ZDHHC17: variants seen among roughly 807,000 people sequenced by gnomAD.
The protein encoded by ZDHHC17 is zDHHC palmitoyltransferase 17, also known as palmitoyltransferase ZDHHC17.
In ZDHHC17, 40 loss-of-function variants were observed where a neutral mutation model predicts 90.3. That is an observed-to-expected ratio of 0.44 (90% CI 0.34 to 0.58). ZDHHC17 has a LOEUF of 0.58. Ranked by LOEUF, ZDHHC17 falls within the 20% of genes least tolerant of loss-of-function variation. ZDHHC17 has a pLI of 0.01. For synonymous variants in ZDHHC17, 235 were observed against 252.4 expected (o/e 0.93, Z 0.65); for missense variants, 614 against 780.8 (o/e 0.79, Z 2.55).
chr12:76,814,306 G>C (rs531785408), intron 5 of ZDHHC17, among the ~76,000 whole-genome samples: 21 of 151,974 alleles, frequency 1.4e-4, no homozygotes, highest in African/African-American at 4.8e-4. Flanking sequence ...GCCAGGGAAA[G>C]CAAAAAATTG....
At chr12:76,793,855 G>A (rs1952788860) in intron 1 of ZDHHC17, among the ~76,000 whole-genome samples, 1 of 152,052 alleles carries the variant, frequency 6.6e-6, no homozygotes, top group African/African-American at 2.4e-5. Flanking sequence ...TTGCTTCTTG[G>A]TTTCCATTAA....
At chr12:76,815,446 T>C (rs1204755361) in intron 6 of ZDHHC17, among the ~76,000 whole-genome samples, 3 of 151,860 alleles carry the variant, frequency 2.0e-5, no homozygotes, top group Non-Finnish European at 2.9e-5. Context: ...AAAGAAGTTA[T>C]CTTTTTTTAA....
chr12:76,765,294 G>A (rs1385274876), intron 1 of ZDHHC17, among the ~76,000 whole-genome samples: 1 of 152,164 alleles, frequency 6.6e-6, no homozygotes, highest in Non-Finnish European at 1.5e-5. Flanking sequence ...TTCTGGATTT[G>A]GGTTTGTACC....
intron 6 of ZDHHC17, 34 bp downstream of exon 6, chr12:76,815,244 A>G: frequency 3.5e-6 from 5 of 1,413,708 alleles, no homozygotes; most frequent in Non-Finnish European, 4.8e-6. Flanking sequence ...TATTTAGGCC[A>G]TTTCAGCATA....
intron 1 of ZDHHC17, among the ~76,000 whole-genome samples, chr12:76,783,851 T>A (rs1037646934): frequency 6.6e-6 from 1 of 152,206 alleles, no homozygotes; most frequent in African/African-American, 2.4e-5. Context: ...TTTGAACATA[T>A]ACACAGAGGA....
Position 76,850,830 on chromosome 12 carries a change from T to G in ZDHHC17, c.1761-17T>G. The G allele has an allele frequency of 1.9e-6, 3 of 1,610,128 alleles. No individual in the cohort carries two copies. The highest frequency in any genetic ancestry group is 2.5e-6 in the Non-Finnish European group (3 of 1,178,550). On this transcript the variant is annotated splice_polypyrimidine_tract_variant and intron_variant, in intron 16 of 16. Transcript: ENST00000426126. ...TGTACTGACTGACGTGTTTTCTTTT[T>G]GGGGTGCTGTTTTTAGCCATGGATG...
rs1010300288 is a variant in ZDHHC17, at chr12:76,852,122, T to A, written c.*1137T>A. Reference sequence around the variant, plus strand: ...AACAGTTTTAGAAAAAATTTTCTTTTTGTTAAATGTGATGCACTGATCAAT... The same window carrying A: ...AACAGTTTTAGAAAAAATTTTCTTTATGTTAAATGTGATGCACTGATCAAT... On this transcript the variant is annotated 3_prime_UTR_variant, in exon 17 of 17. Transcript: ENST00000426126. 6.5e-6 allele frequency: 1 copy of A among 152,672 alleles called. No homozygotes were observed. Among genetic ancestry groups the A allele is most frequent in the Non-Finnish European group, 1.5e-5 (1 of 68,032 alleles). The allele number at this position is 152,672 out of a possible 1,614,324, so 9.5% of individuals were successfully genotyped here. A position where few individuals can be genotyped will look rare whatever the true frequency, so the allele number is the denominator to read the frequency against.
intron 10 of ZDHHC17, among the ~76,000 whole-genome samples, chr12:76,833,428 C>G (rs1463708781): frequency 6.6e-6 from 1 of 152,124 alleles, no homozygotes; most frequent in Non-Finnish European, 1.5e-5. Context: ...ATATTATACT[C>G]TGAATATAAT....
intron 10 of ZDHHC17, among the ~76,000 whole-genome samples, chr12:76,837,099 T>G (rs535787585): frequency 3.3e-5 from 5 of 152,302 alleles, no homozygotes; most frequent in African/African-American, 1.2e-4. Context: ...CATGGGGTTT[T>G]CTTACTAACA....
chr12:76,782,334 A>G (rs1952636395), intron 1 of ZDHHC17, among the ~76,000 whole-genome samples: 1 of 152,218 alleles, frequency 6.6e-6, no homozygotes, highest in African/African-American at 2.4e-5. Flanking sequence ...ATTCTTGGGA[A>G]AAGTATGATT....
At chr12:76,824,094 TC>T (rs1248316833) in intron 8 of ZDHHC17, among the ~76,000 whole-genome samples, 2 of 151,142 alleles carry the variant, frequency 1.3e-5, no homozygotes, top group African/African-American at 2.4e-5. Context: ...ATATGTATAT[TC>T]ACACACACAC....
At chr12:76,801,376 G>A (rs1045137822) in intron 2 of ZDHHC17, among the ~76,000 whole-genome samples, 9 of 151,330 alleles carry the variant, frequency 5.9e-5, no homozygotes, top group East Asian at 3.9e-4. Flanking sequence ...AAGTTGGGCC[G>A]GGCACGGTGG....
chr12:76,764,494 G>T (rs1245712458), intron 1 of ZDHHC17, 165 bp downstream of exon 1: 3 of 661,868 alleles, frequency 4.5e-6, no homozygotes, highest in African/African-American at 1.8e-5. Context: ...AGCGGATAAC[G>T]GGGGAGGAGA....
intron 8 of ZDHHC17, among the ~76,000 whole-genome samples, chr12:76,823,911 ATTTT>A (rs1283331670): frequency 6.6e-6 from 1 of 152,094 alleles, no homozygotes; most frequent in African/African-American, 2.4e-5. Flanking sequence ...AAAATGATTT[ATTTT>A]GTGTTGCTCA....
At chr12:76,842,312 C>T (rs1471415070) in intron 11 of ZDHHC17, among the ~76,000 whole-genome samples, 2 of 152,136 alleles carry the variant, frequency 1.3e-5, no homozygotes, top group Non-Finnish European at 2.9e-5. Context: ...TTTATAATTT[C>T]GTGTTTCTCT....
intron 6 of ZDHHC17, 86 bp from the exon 7 acceptor site, chr12:76,815,771 C>CA (rs1953079766): frequency 1.5e-6 from 2 of 1,337,576 alleles, no homozygotes; most frequent in Non-Finnish European, 9.8e-7. Context: ...CTACTGTAAG[C>CA]ATAATCAGTT....
intron 14 of ZDHHC17, among the ~76,000 whole-genome samples, chr12:76,847,996 G>A (rs1473568101): frequency 1.3e-5 from 2 of 152,112 alleles, no homozygotes; most frequent in Admixed American, 1.3e-4. Flanking sequence ...AAATAAAATT[G>A]TTAATTCTGA....
intron 4 of ZDHHC17, among the ~76,000 whole-genome samples, 198 bp from the exon 5 acceptor site, chr12:76,809,515 A>G (rs1952995156): frequency 6.6e-6 from 1 of 152,156 alleles, no homozygotes. Flanking sequence ...ACTTCCATAC[A>G]TTTTCAGACT....
At chr12:76,782,497 G>C (rs12820406) in intron 1 of ZDHHC17, among the ~76,000 whole-genome samples, 1 of 152,186 alleles carries the variant, frequency 6.6e-6, no homozygotes, top group Admixed American at 6.5e-5. Flanking sequence ...TGAGTCAAGA[G>C]CATTTCCTTT....
Sources: allele counts gnomAD v4.1 joint callset (sites outside exome capture counted in the v4.1 genomes callset), GRCh38; gene constraint gnomAD v4.1.1; transcripts MANE v1.5; gene names NCBI Gene and HGNC (gene_info 2026-07-23, HGNC 2026-07-21).